Variants in MDN1 observed in about 807,000 individuals in gnomAD.
MDN1 encodes the protein midasin.
MDN1 carries 266 observed loss-of-function variants against 669.2 expected under a neutral mutation model. The observed-to-expected ratio is 0.40, with a 90% CI of 0.36 to 0.44. MDN1 has a LOEUF of 0.44. MDN1 is among the 20% of genes least tolerant of loss of function. MDN1 has a pLI of 1.00. For synonymous variants in MDN1, 2,385 were observed against 2,457.1 expected, an observed-to-expected ratio of 0.97 and a Z score of 0.87; for missense variants, 5,940 against 6,754.0, an observed-to-expected ratio of 0.88 and a Z score of 4.22.
At chr6:89,706,902 A>G (rs1813554103) in intron 52 of MDN1, among the ~76,000 whole-genome samples, 1 of 152,140 alleles carries the variant, frequency 6.6e-6, no homozygotes, top group Non-Finnish European at 1.5e-5. Context: ...TTATACTTTA[A>G]TAGTTTGAAT....
chr6:89,710,868 A>T, intron 49 of MDN1, 74 bp from the exon 50 acceptor site: 1 of 842,214 alleles, frequency 1.2e-6, no homozygotes, highest in Non-Finnish European at 1.9e-6. Flanking sequence ...AGTGATGAAA[A>T]TGTTCTACAG....
chr6:89,688,374 C>T (rs1812160640), intron 66 of MDN1, among the ~76,000 whole-genome samples, 199 bp downstream of exon 66: 1 of 152,096 alleles, frequency 6.6e-6, no homozygotes, highest in African/African-American at 2.4e-5. Context: ...ACAGAATCCC[C>T]AATCATTTAC....
chr6:89,721,933 T>C (rs1242552294), intron 40 of MDN1, among the ~76,000 whole-genome samples: 1 of 152,216 alleles, frequency 6.6e-6, no homozygotes, highest in Admixed American at 6.5e-5. Flanking sequence ...CATGCATCTA[T>C]GTATCTATTC....
intron 46 of MDN1, 80 bp downstream of exon 46, chr6:89,714,462 CT>C (rs1814188806): frequency 8.2e-7 from 1 of 1,219,800 alleles, no homozygotes; most frequent in Admixed American, 2.4e-5. Flanking sequence ...TGTACGAAAT[CT>C]TTGATGAGCA....
rs1816855712 is a variant in MDN1 at position 89,749,814 on chromosome 6, T to C, written c.3407-63A>G. On this transcript the variant is annotated intron_variant, in intron 24 of 101. Coordinates refer to ENST00000369393, the MANE Select transcript of MDN1 (RefSeq NM_014611.3). ...CAGTACAAAGTTTTAAAATGCATTATGTACAAATCAACAAATCCTAGGTTA... is the reference window on the plus strand; with the variant it reads ...CAGTACAAAGTTTTAAAATGCATTACGTACAAATCAACAAATCCTAGGTTA... The C allele has an allele frequency of 3.2e-6, 4 of 1,266,326 alleles. No individual in the cohort carries two copies. In the South Asian group the frequency reaches 3.8e-5, roughly 12 times the overall value. The allele number at this position is 1,266,326 out of a possible 1,614,324, so 78.4% of individuals were successfully genotyped here.
intron 53 of MDN1, among the ~76,000 whole-genome samples, chr6:89,703,440 G>A (rs1349172248): frequency 1.3e-5 from 2 of 151,846 alleles, no homozygotes; most frequent in African/African-American, 4.8e-5. Flanking sequence ...AATACCATAC[G>A]GTTTTGTTTA....
chr6:89,697,085 T>G (rs1436653204), intron 59 of MDN1, among the ~76,000 whole-genome samples: 1 of 152,144 alleles, frequency 6.6e-6, no homozygotes, highest in Non-Finnish European at 1.5e-5. Context: ...ACTAAAGGCT[T>G]TGAGGGGTGT....
Position 89,674,300 on chromosome 6 carries a change from G to A in MDN1, c.13051C>T (p.Leu4351=). The A allele has an allele frequency of 6.2e-7, 1 of 1,614,238 alleles. No individual in the cohort carries two copies. Among genetic ancestry groups the A allele is most frequent in the Non-Finnish European group, 8.5e-7 (1 of 1,180,046 alleles). Residue 4351 remains leucine (L), a synonymous_variant, in exon 79 of 102, where the codon CTA becomes TTA. Coordinates refer to ENST00000369393, the MANE Select transcript of MDN1 (RefSeq NM_014611.3). The part of the protein sequence containing the change: ...KGQLCGVVLD[L]IPSNLSYPSP... ...GGGTAGCTCAGATTGGAAGGAATTA[G>A]GTCCAGCACTACTCCACAAAGTTGT...
intron 62 of MDN1, 24 bp downstream of exon 62, chr6:89,694,050 C>G: frequency 6.3e-7 from 1 of 1,586,988 alleles, no homozygotes; most frequent in Non-Finnish European, 8.7e-7. Flanking sequence ...ATCCCCAAAA[C>G]AAATAATCAC....
At chr6:89,739,236 A>T (rs1341186928) in intron 32 of MDN1, among the ~76,000 whole-genome samples, 2 of 152,140 alleles carry the variant, frequency 1.3e-5, no homozygotes, top group Admixed American at 1.3e-4. Context: ...CTAAAAAGTA[A>T]CTTTCCCTTG....
chr6:89,729,677 G>GTTTTTTTTTTTTTT (rs35914010), intron 35 of MDN1, among the ~76,000 whole-genome samples: 9 of 100,758 alleles, frequency 8.9e-5, no homozygotes, highest in Non-Finnish European at 1.4e-4. Flanking sequence ...TTTTGTTTTC[G>GTTTTTTTTTTTTTT]TTTTTTTTTT....
chr6:89,740,957 C>G (rs552747941), intron 31 of MDN1, among the ~76,000 whole-genome samples: 1 of 152,318 alleles, frequency 6.6e-6, no homozygotes, highest in South Asian at 2.1e-4. Flanking sequence ...GTAGGCCGGG[C>G]GCAGTGACTC....
At position 89,794,157 on chromosome 6, in the gene MDN1, T is replaced by G; in HGVS notation, c.605A>C (p.Lys202Thr). ...AAATATCTTCTTAAGAAATGATAACTTGTGCTCTTCATTCATACAGGTAAC... is the reference window on the plus strand; with the variant it reads ...AAATATCTTCTTAAGAAATGATAACGTGTGCTCTTCATTCATACAGGTAAC... ...ALVTCMNEEH[K>T]LSFLKKIFNS... The change falls in exon 4 of 102, where the codon AAG (lysine) becomes ACG (threonine). Residue 202 changes from lysine to threonine, a missense_variant. Lys to Thr is a moderately conservative substitution (Grantham distance 78). Around this residue, in one of 5 missense-constraint regions of MDN1, gnomAD observed 1,203 missense variants for 1,268.9 expected, o/e 0.95. Transcript: ENST00000369393. 6.2e-7 allele frequency: 1 copy of G among 1,604,036 alleles called. No homozygotes were observed. The highest frequency in any genetic ancestry group is 8.5e-7 in the Non-Finnish European group (1 of 1,177,260).
chr6:89,650,264 A>G, intron 96 of MDN1, 66 bp from the exon 97 acceptor site: 3 of 1,422,958 alleles, frequency 2.1e-6, no homozygotes, highest in Non-Finnish European at 2.9e-6. Flanking sequence ...TTTATTAAGG[A>G]CAAAAATCAC....
At chr6:89,648,507 C>T (rs1808630977) in intron 97 of MDN1, among the ~76,000 whole-genome samples, 178 bp from the exon 98 acceptor site, 1 of 152,096 alleles carries the variant, frequency 6.6e-6, no homozygotes, top group Non-Finnish European at 1.5e-5. Flanking sequence ...TGGCCTGGTA[C>T]CACAAATGTT....
chr6:89,728,158 T>TATC (rs1457897363), intron 36 of MDN1, among the ~76,000 whole-genome samples: 1 of 152,060 alleles, frequency 6.6e-6, no homozygotes, highest in Non-Finnish European at 1.5e-5. Flanking sequence ...ATGTTCCATA[T>TATC]ATCAATCAAT....
chr6:89,795,735 C>A (rs1819555936), intron 2 of MDN1, among the ~76,000 whole-genome samples: 1 of 152,146 alleles, frequency 6.6e-6, no homozygotes, highest in Admixed American at 6.6e-5. Flanking sequence ...GGGCAGATCA[C>A]CTGAGGTCAG....
intron 39 of MDN1, 148 bp downstream of exon 39, chr6:89,723,364 A>G: frequency 1.5e-6 from 1 of 665,838 alleles, no homozygotes; most frequent in South Asian, 2.2e-5. Context: ...CCTCCACTAC[A>G]TAGTGTCCCT....
intron 100 of MDN1, among the ~76,000 whole-genome samples, chr6:89,645,358 C>G (rs1421806288): frequency 1.3e-5 from 2 of 152,124 alleles, no homozygotes; most frequent in Non-Finnish European, 2.9e-5. Flanking sequence ...GAGTCAGAGA[C>G]AAGGCATAAT....
Sources: allele counts gnomAD v4.1 joint callset (sites outside exome capture counted in the v4.1 genomes callset), GRCh38; gene constraint gnomAD v4.1.1; regional missense constraint gnomAD v4.1.1; transcripts MANE v1.5; gene names NCBI Gene and HGNC (gene_info 2026-07-23, HGNC 2026-07-21).